Variants in PIBF1 observed in about 807,000 individuals in gnomAD.
PIBF1 encodes the protein progesterone-induced-blocking factor 1.
PIBF1 carries 90 observed loss-of-function variants against 112.5 expected under a neutral mutation model. The observed-to-expected ratio is 0.80, with a 90% CI of 0.67 to 0.95. PIBF1 has a LOEUF of 0.95. Ranked by LOEUF, PIBF1 falls within the 40% of genes least tolerant of loss-of-function variation. The pLI, the probability that PIBF1 is intolerant of heterozygous loss-of-function variation, is 0.00. For synonymous variants in PIBF1, 301 were observed against 288.6 expected (o/e 1.04, Z -0.44); for missense variants, 915 against 852.3 (o/e 1.07, Z -0.92).
chr13:73,011,547 C>T (rs1343521991), intron 17 of PIBF1, among the ~76,000 whole-genome samples: 1 of 152,152 alleles, frequency 6.6e-6, no homozygotes, highest in Non-Finnish European at 1.5e-5. Flanking sequence ...CAAAGCCTAA[C>T]TGACCTGGGA....
intron 11 of PIBF1, among the ~76,000 whole-genome samples, chr13:72,899,054 C>T (rs890827993): frequency 6.6e-6 from 1 of 151,956 alleles, no homozygotes; most frequent in African/African-American, 2.4e-5. Context: ...TGAAAAAATA[C>T]AACCCTCCTA....
At chr13:72,888,338 A>G (rs1202640516) in intron 10 of PIBF1, among the ~76,000 whole-genome samples, 6 of 152,180 alleles carry the variant, frequency 3.9e-5, no homozygotes. Flanking sequence ...TAATATGCAT[A>G]GCAAACATTT....
At chr13:72,795,253 C>A in intron 3 of PIBF1, 106 bp from the exon 4 acceptor site, 1 of 699,580 alleles carries the variant, frequency 1.4e-6, no homozygotes, top group Non-Finnish European at 2.5e-6. Context: ...ATAATACTGT[C>A]AGGTTTCTGA....
At chr13:72,889,178 T>A (rs2138543882) in intron 10 of PIBF1, among the ~76,000 whole-genome samples, 1 of 152,268 alleles carries the variant, frequency 6.6e-6, no homozygotes, top group South Asian at 2.1e-4. Context: ...AGAAGAAAAT[T>A]TATGAAAATA....
intron 6 of PIBF1, 55 bp downstream of exon 6, chr13:72,822,037 G>A: frequency 2.0e-6 from 3 of 1,469,488 alleles, no homozygotes; most frequent in Non-Finnish European, 2.8e-6. Context: ...GTGCATCAAA[G>A]TCACCTGAGT....
rs546560653 is a variant in PIBF1, at chr13:72,945,937, A to G, written c.1833+14670A>G. ...CAGTCATAGCACTTTATGAAACCACATAAGTTCTGCTTGGGTTAACTGGAC... is the reference window on the plus strand; with the variant it reads ...CAGTCATAGCACTTTATGAAACCACGTAAGTTCTGCTTGGGTTAACTGGAC... On this transcript the variant is annotated intron_variant, in intron 14 of 17. Coordinates refer to ENST00000326291, the MANE Select transcript of PIBF1 (RefSeq NM_006346.4). Among the ~76,000 whole-genome samples, 13 of 152,282 alleles carry G rather than the reference A, an allele frequency of 8.5e-5. 1 individual carries two copies. The South Asian group carries it at 2.5e-3, about 29-fold the overall frequency.
intron 9 of PIBF1, chr13:72,836,260 G>T: frequency 6.4e-6 from 2 of 310,480 alleles, no homozygotes; most frequent in East Asian, 8.8e-5. Flanking sequence ...AGTCAGTGTG[G>T]TTTTTGAAAG....
chr13:72,972,509 C>CA (rs570681701), intron 15 of PIBF1, among the ~76,000 whole-genome samples: 53 of 152,128 alleles, frequency 3.5e-4, no homozygotes, highest in South Asian at 2.1e-3. Context: ...ACTAAAAATA[C>CA]AAAAATTAGC....
chr13:72,877,907 G>T (rs924933842), intron 10 of PIBF1, among the ~76,000 whole-genome samples: 2 of 151,360 alleles, frequency 1.3e-5, no homozygotes, highest in Admixed American at 1.3e-4. Flanking sequence ...GCACCACCAC[G>T]CCTGGTTAAT....
intron 14 of PIBF1, among the ~76,000 whole-genome samples, chr13:72,944,971 G>T (rs965278875): frequency 7.9e-5 from 12 of 152,116 alleles, no homozygotes; most frequent in Non-Finnish European, 1.8e-4. Flanking sequence ...TGATGGTAAG[G>T]TTTGGAGTTT....
At position 72,844,752 on chromosome 13, in the gene PIBF1, C is replaced by CACACACGGATGAAGTCTTACTGTTT. The variant is rs1486976983; in HGVS notation, c.1224-9299_1224-9298insGGATGAAGTCTTACTGTTTACACAC. ...TTACACACACACACACACACACACACACACACACACACACACACACACACA... is the reference window on the plus strand; with the variant it reads ...TTACACACACACACACACACACACACACACACGGATGAAGTCTTACTGTTTACACACACACACACACACACACACA... On this transcript the variant is annotated intron_variant, in intron 9 of 17. Transcript: ENST00000326291. 1.5e-3 allele frequency among the ~76,000 whole-genome samples: 139 copies of CACACACGGATGAAGTCTTACTGTTT among 94,040 alleles called. 4 individuals carry two copies. Among genetic ancestry groups the CACACACGGATGAAGTCTTACTGTTT allele is most frequent in the Middle Eastern group, 6.7e-3 (1 of 150 alleles). 61.7% of individuals were successfully genotyped at this position (94,040 alleles called of 152,430 possible).
At chr13:72,918,031 A>T (rs764538015) in intron 13 of PIBF1, among the ~76,000 whole-genome samples, 22 of 152,160 alleles carry the variant, frequency 1.4e-4, no homozygotes, top group Non-Finnish European at 2.4e-4. Context: ...AATTATACCT[A>T]CATTAATCAG....
At chr13:72,794,868 A>G (rs2035112606) in intron 3 of PIBF1, among the ~76,000 whole-genome samples, 2 of 152,188 alleles carry the variant, frequency 1.3e-5, no homozygotes, top group Admixed American at 6.5e-5. Context: ...TCAGTAGGCA[A>G]CTAACAATAA....
chr13:72,828,628 A>G (rs998425533), intron 8 of PIBF1, among the ~76,000 whole-genome samples: 66 of 152,146 alleles, frequency 4.3e-4, no homozygotes, highest in African/African-American at 1.5e-3. Context: ...ATGGCTGCAT[A>G]GCATATATAT....
intron 15 of PIBF1, among the ~76,000 whole-genome samples, chr13:72,972,518 G>C (rs1320827981): frequency 1.3e-5 from 2 of 152,086 alleles, no homozygotes; most frequent in Admixed American, 6.5e-5. Context: ...ACAAAAATTA[G>C]CCGGGCATGG....
At chr13:72,891,920 TGAA>T (rs1376951608) in intron 10 of PIBF1, among the ~76,000 whole-genome samples, 2 of 152,110 alleles carry the variant, frequency 1.3e-5, no homozygotes, top group Non-Finnish European at 2.9e-5. Context: ...GAATGAACCT[TGAA>T]AACATCAGAA....
At chr13:72,996,520 G>A (rs2043678311) in intron 16 of PIBF1, among the ~76,000 whole-genome samples, 1 of 152,110 alleles carries the variant, frequency 6.6e-6, no homozygotes, top group Non-Finnish European at 1.5e-5. Context: ...AGGTGCAGTG[G>A]CTCATGCCTA....
At chr13:72,817,688 G>A (rs907885699) in intron 5 of PIBF1, among the ~76,000 whole-genome samples, 1 of 152,270 alleles carries the variant, frequency 6.6e-6, no homozygotes, top group African/African-American at 2.4e-5. Context: ...CTAGGTTATT[G>A]CTGGAGCTTA....
intron 12 of PIBF1, among the ~76,000 whole-genome samples, chr13:72,911,563 CTT>C (rs34158212): frequency 0.017 from 2,570 of 152,100 alleles, 203 homozygotes; most frequent in Admixed American, 0.14. Context: ...TACATTAAGA[CTT>C]TTTTTGACAT....
Sources: allele counts gnomAD v4.1 joint callset (sites outside exome capture counted in the v4.1 genomes callset), GRCh38; gene constraint gnomAD v4.1.1; transcripts MANE v1.5; gene names NCBI Gene and HGNC (gene_info 2026-07-23, HGNC 2026-07-21).